MS4A6A: variants seen among roughly 807,000 people sequenced by gnomAD.
MS4A6A encodes membrane spanning 4-domains A6A.
Under a neutral mutation model 20.6 loss-of-function variants are expected in MS4A6A, and 19 were observed. The ratio of observed to expected loss-of-function variants is 0.92; its 90% CI spans 0.64 to 1.36. The LOEUF (loss-of-function observed/expected upper bound fraction) is 1.36. Ranked by LOEUF, MS4A6A falls within the 40% of genes most tolerant of loss-of-function variation. MS4A6A has a pLI of 0.00. For missense variants in MS4A6A, 272 were observed against 261.1 expected, an observed-to-expected ratio of 1.04 and a Z score of -0.29; for synonymous variants, 108 against 105.0, an observed-to-expected ratio of 1.03 and a Z score of -0.17.
At chr11:60,176,789 G>A (rs1265243249) in intron 4 of MS4A6A, among the ~76,000 whole-genome samples, 8 of 152,096 alleles carry the variant, frequency 5.3e-5, no homozygotes, top group African/African-American at 1.9e-4. Flanking sequence ...CTCAAAAAGG[G>A]CTGGTGCAAT....
At chr11:60,171,705 A>G (rs977582703), downstream of MS4A6A, among the ~76,000 whole-genome samples, 7 of 152,218 alleles carry the variant, frequency 4.6e-5, no homozygotes, top group African/African-American at 1.7e-4. Flanking sequence ...TAAAATACAT[A>G]GGATAAAACA....
rs377754262 is a variant in MS4A6A at position 60,181,646 on chromosome 11, C to T, written c.82G>A (p.Glu28Lys). The change falls in exon 2 of 6, where the codon GAA (glutamate) becomes AAA (lysine). Residue 28 changes from glutamate to lysine, a missense_variant. By Grantham distance (56) the Glu-to-Lys change is moderately conservative (BLOSUM62 1). Coordinates refer to ENST00000528851, the MANE Select transcript of MS4A6A (RefSeq NM_022349.4). ...CTATCCTGCCCCTGGTTGGTGGGTTCGGGTTTCTCTGCTTGGGAGAAGTTG... is the reference window on the plus strand; with the variant it reads ...CTATCCTGCCCCTGGTTGGTGGGTTTGGGTTTCTCTGCTTGGGAGAAGTTG... ...VINFSQAEKP[E>K]PTNQGQDSLK... is the part of the protein sequence containing the mutation. 8.2e-5 allele frequency: 132 copies of T among 1,613,912 alleles called. No homozygotes were observed. The highest frequency in any genetic ancestry group is 1.3e-4 in the African/African-American group (10 of 74,888).
chr11:60,180,177 A>AG (rs1437764084), intron 2 of MS4A6A: 2 of 586,548 alleles, frequency 3.4e-6, no homozygotes, highest in Non-Finnish European at 6.0e-6. Context: ...GGTGTCTGGC[A>AG]GGTGCTCAGG....
rs1469575125 is a variant in MS4A6A at position 60,173,131 on chromosome 11, T to C, written c.550-2A>G. The C allele has an allele frequency of 2.7e-5, 43 of 1,612,784 alleles. No homozygotes were observed. The highest frequency in any genetic ancestry group is 3.6e-5 in the Non-Finnish European group (43 of 1,179,118). On this transcript the variant is annotated splice_acceptor_variant, in intron 5 of 5. Transcript: ENST00000528851. LOFTEE classifies it high-confidence loss of function. The stretch of plus-strand genomic sequence containing the variant: ...AATCAGCATCAGAGAGAGAGTTCCC[T>C]GAAAGTCAAGAAATAAAAGATTGAT...
At chr11:60,181,511 G>C in intron 2 of MS4A6A, 70 bp downstream of exon 2, 1 of 1,586,090 alleles carries the variant, frequency 6.3e-7, no homozygotes, top group East Asian at 2.2e-5. Flanking sequence ...CAGATGTCCA[G>C]TCCCAAGACA....
chr11:60,174,614 G>A (rs995411579), intron 5 of MS4A6A, among the ~76,000 whole-genome samples: 2 of 152,104 alleles, frequency 1.3e-5, no homozygotes, highest in African/African-American at 4.8e-5. Flanking sequence ...GTGAGCCACT[G>A]ACCCAGCCGT....
intron 4 of MS4A6A, among the ~76,000 whole-genome samples, chr11:60,177,798 G>GTATACAGTA (rs1856923170): frequency 6.6e-6 from 1 of 152,082 alleles, no homozygotes; most frequent in Non-Finnish European, 1.5e-5. Context: ...GTAGTATACT[G>GTATACAGTA]TAGTAGCCTC....
intron 5 of MS4A6A, 97 bp downstream of exon 5, chr11:60,175,305 C>T: frequency 9.3e-7 from 1 of 1,073,448 alleles, no homozygotes; most frequent in Non-Finnish European, 1.3e-6. Flanking sequence ...ATGCCCAAAC[C>T]AGAACCAATA....
Position 60,175,462 on chromosome 11 carries a change from AG to A in MS4A6A, c.488del (p.Ser163PhefsTer26). ...KNNIPTRSYV[S>X]YFYHDSLYTT... ...TATAAAGTGAATCATGATAAAAGTA[AG>A]AAACATAACTTCTTGTTGGTATATT... On this transcript the variant is annotated frameshift_variant, in exon 5 of 6. Coordinates refer to ENST00000528851, the MANE Select transcript of MS4A6A (RefSeq NM_022349.4). LOFTEE classifies it high-confidence loss of function. 1 of 1,614,218 alleles carries A rather than the reference AG, an allele frequency of 6.2e-7. No homozygotes were observed.
At position 60,172,788 on chromosome 11, in the gene MS4A6A, A is replaced by G; in HGVS notation, c.*213T>C. Reference sequence around the variant, plus strand: ...CATTCCCTTCGCTGACAAAATAGGAAGATTGAATCAGTTGATTTCTCATGA... The same window carrying G: ...CATTCCCTTCGCTGACAAAATAGGAGGATTGAATCAGTTGATTTCTCATGA... On this transcript the variant is annotated 3_prime_UTR_variant, in exon 6 of 6. Coordinates refer to ENST00000528851, the MANE Select transcript of MS4A6A (RefSeq NM_022349.4). 7.5e-7 allele frequency: 1 copy of G among 1,333,174 alleles called. No individual in the cohort carries two copies. The highest frequency in any genetic ancestry group is 9.7e-7 in the Non-Finnish European group (1 of 1,035,032). 82.6% of individuals were successfully genotyped at this position (1,333,174 alleles called of 1,614,324 possible).
At chr11:60,173,216 C>A (rs1451917050) in intron 5 of MS4A6A, 87 bp from the exon 6 acceptor site, 1 of 1,108,252 alleles carries the variant, frequency 9.0e-7, no homozygotes, top group East Asian at 2.4e-5. Context: ...GAGATGAAGA[C>A]CACCTCAACC....
At chr11:60,172,042 G>T, downstream of MS4A6A, 1 of 987,078 alleles carries the variant, frequency 1.0e-6, no homozygotes. Context: ...TTTTTTTAAT[G>T]TTCATTACTT....
Position 60,175,425 on chromosome 11 carries a change from A to G in MS4A6A, c.526T>C (p.Tyr176His). The G allele has an allele frequency of 2.5e-6, 4 of 1,614,070 alleles. 1 individual carries two copies. The South Asian group carries it at 4.4e-5, about 18-fold the overall frequency. ...YHDSLYTTDC[Y>H]TAKASLAGTL... ...ACAGCCAGACTGGCTTTGGCTGTAT[A>G]GCAGTCCGTGGTATAAAGTGAATCA... The change falls in exon 5 of 6, where the codon TAT becomes CAT. Residue 176 changes from tyrosine to histidine, a missense_variant. Physicochemically the swap from Tyr to His is moderately conservative, Grantham distance 83 (BLOSUM62 2). Coordinates refer to ENST00000528851, the MANE Select transcript of MS4A6A (RefSeq NM_022349.4).
intron 2 of MS4A6A, 147 bp downstream of exon 2, chr11:60,181,434 A>G (rs1209866693): frequency 2.6e-5 from 22 of 841,778 alleles, no homozygotes; most frequent in Middle Eastern, 3.5e-4. Context: ...GTTCTGGGAC[A>G]GTTTTCTCCA....
At chr11:60,182,240 T>C (rs905223780) in intron 1 of MS4A6A, 1 of 153,084 alleles carries the variant, frequency 6.5e-6, no homozygotes, top group African/African-American at 2.4e-5. Flanking sequence ...CAGCTCTGCA[T>C]GTTAGTAAGT....
chr11:60,178,541 A>C (rs998921310), intron 3 of MS4A6A, among the ~76,000 whole-genome samples: 1 of 152,116 alleles, frequency 6.6e-6, no homozygotes, highest in African/African-American at 2.4e-5. Flanking sequence ...TAAACAAAAA[A>C]TATCCCACTA....
intron 5 of MS4A6A, among the ~76,000 whole-genome samples, chr11:60,174,016 A>G (rs1856712488): frequency 6.6e-6 from 1 of 152,222 alleles, no homozygotes. Flanking sequence ...TCTTATTTCC[A>G]ATGTAAAATC....
chr11:60,175,418 G>T lies in MS4A6A; in HGVS notation c.533C>A (p.Ala178Asp). 1 of 1,613,568 alleles carries T rather than the reference G, an allele frequency of 6.2e-7. No homozygotes were observed. Among genetic ancestry groups the T allele is most frequent in the Admixed American group, 1.7e-5 (1 of 60,020 alleles). Residue 178 changes from alanine (A) to aspartate (D), a missense_variant, in exon 5 of 6, where the codon GCC (alanine) becomes GAC (aspartate). By Grantham distance (126) the Ala-to-Asp change is moderately radical. Coordinates refer to ENST00000528851, the MANE Select transcript of MS4A6A (RefSeq NM_022349.4). ...DSLYTTDCYT[A>D]KASLAGTLSL... ...AATACTTACAGCCAGACTGGCTTTG[G>T]CTGTATAGCAGTCCGTGGTATAAAG... is the stretch of plus-strand genomic sequence containing the variant.
chr11:60,176,527 G>T (rs1480341229), intron 4 of MS4A6A, among the ~76,000 whole-genome samples: 1 of 152,074 alleles, frequency 6.6e-6, no homozygotes, highest in Non-Finnish European at 1.5e-5. Context: ...AGAGTACTCT[G>T]AGAGCTATAG....
Sources: allele counts gnomAD v4.1 joint callset (sites outside exome capture counted in the v4.1 genomes callset), GRCh38; gene constraint gnomAD v4.1.1; transcripts MANE v1.5; gene names NCBI Gene and HGNC (gene_info 2026-07-23, HGNC 2026-07-21).